KCNB2: variants seen among roughly 807,000 people sequenced by gnomAD.
KCNB2 encodes the protein delayed rectifier potassium channel protein.
KCNB2 carries 15 observed loss-of-function variants against 61.5 expected under a neutral mutation model. The ratio of observed to expected loss-of-function variants is 0.24; its 90% CI spans 0.16 to 0.38. KCNB2 has a LOEUF of 0.38. Among genes scored for constraint, KCNB2 ranks in the 10% least tolerant of loss-of-function variants. KCNB2 has a pLI of 1.00. For missense variants in KCNB2, 828 were observed against 1,125.2 expected, an observed-to-expected ratio of 0.74 and a Z score of 3.78; for synonymous variants, 457 against 446.0, an observed-to-expected ratio of 1.02 and a Z score of -0.31.
chr8:72,851,836 A>AAAAAAAAAAAC (rs1259877882), intron 2 of KCNB2, among the ~76,000 whole-genome samples: 1 of 141,156 alleles, frequency 7.1e-6, no homozygotes, highest in Non-Finnish European at 1.5e-5. Flanking sequence ...GAAAAAAAAA[A>AAAAAAAAAAAC]AAAAAAAAAA....
At chr8:72,861,666 C>T (rs2129004059) in intron 2 of KCNB2, among the ~76,000 whole-genome samples, 1 of 152,250 alleles carries the variant, frequency 6.6e-6, no homozygotes, top group African/African-American at 2.4e-5. Flanking sequence ...AATAAACGTT[C>T]CCTGCCAAAA....
At chr8:72,628,396 A>AGG (rs3031982) in intron 2 of KCNB2, among the ~76,000 whole-genome samples, 7 of 145,094 alleles carry the variant, frequency 4.8e-5, no homozygotes, top group African/African-American at 1.0e-4. Context: ...TTCTCCTGTT[A>AGG]GGGGGTGTGT....
At chr8:72,818,933 T>C (rs1809447692) in intron 2 of KCNB2, among the ~76,000 whole-genome samples, 2 of 152,164 alleles carry the variant, frequency 1.3e-5, no homozygotes, top group Non-Finnish European at 2.9e-5. Context: ...TGCATCTTGG[T>C]TCTACTGCTT....
intron 2 of KCNB2, among the ~76,000 whole-genome samples, chr8:72,722,311 T>A (rs1807564041): frequency 6.6e-6 from 1 of 152,174 alleles, no homozygotes; most frequent in African/African-American, 2.4e-5. Flanking sequence ...CCAAGATCCT[T>A]TCAAATGGTT....
intron 2 of KCNB2, among the ~76,000 whole-genome samples, chr8:72,627,792 C>T (rs1805813044): frequency 6.6e-6 from 1 of 152,196 alleles, no homozygotes; most frequent in African/African-American, 2.4e-5. Context: ...TAACTGCAGC[C>T]TTTTGACACT....
intron 2 of KCNB2, among the ~76,000 whole-genome samples, chr8:72,579,497 T>C (rs1806857451): frequency 1.3e-5 from 2 of 152,208 alleles, no homozygotes; most frequent in African/African-American, 2.4e-5. Context: ...TTGTCAACTC[T>C]TTAAAATCAG....
chr8:72,832,638 C>G (rs1420886119), intron 2 of KCNB2, among the ~76,000 whole-genome samples: 1 of 152,188 alleles, frequency 6.6e-6, no homozygotes, highest in Non-Finnish European at 1.5e-5. Flanking sequence ...TCCAAGCTAT[C>G]AAGTTAGCAT....
At chr8:72,843,340 C>T (rs10957624) in intron 2 of KCNB2, among the ~76,000 whole-genome samples, 1 of 152,024 alleles carries the variant, frequency 6.6e-6, no homozygotes, top group Non-Finnish European at 1.5e-5. Context: ...TTTGCTGAGG[C>T]GTGTTTTACT....
chr8:72,751,748 T>G (rs1362503393), intron 2 of KCNB2: 1 of 152,196 alleles, frequency 6.6e-6, no homozygotes, highest in African/African-American at 2.4e-5. Flanking sequence ...GTGAGGCTTA[T>G]TATGTGCCTG....
intron 1 of KCNB2, among the ~76,000 whole-genome samples, chr8:72,546,535 C>G (rs1004343062): frequency 2.0e-5 from 3 of 150,230 alleles, no homozygotes; most frequent in Admixed American, 2.0e-4. Context: ...AAAAAAAGTG[C>G]AAGGTGAAGA....
intron 2 of KCNB2, among the ~76,000 whole-genome samples, chr8:72,608,822 A>G (rs570156036): frequency 5.5e-4 from 84 of 152,286 alleles, no homozygotes; most frequent in Non-Finnish European, 9.0e-4. Context: ...TTAAGAGTAC[A>G]TAGCTTCACA....
chr8:72,884,406 C>T (rs1282475993), intron 2 of KCNB2, among the ~76,000 whole-genome samples: 2 of 151,854 alleles, frequency 1.3e-5, no homozygotes, highest in African/African-American at 2.4e-5. Flanking sequence ...TGCGTGTGCA[C>T]GTGTGTGTAT....
intron 2 of KCNB2, among the ~76,000 whole-genome samples, chr8:72,675,336 TA>T (rs2128988511): frequency 6.6e-6 from 1 of 152,194 alleles, no homozygotes; most frequent in Non-Finnish European, 1.5e-5. Flanking sequence ...AAATATGCAA[TA>T]AGAAAAATTC....
At chr8:72,856,885 T>C (rs144718256) in intron 2 of KCNB2, among the ~76,000 whole-genome samples, 6 of 152,290 alleles carry the variant, frequency 3.9e-5, no homozygotes, top group Middle Eastern at 6.8e-3. Context: ...TTTGTTAATA[T>C]CACAGAGTGA....
intron 2 of KCNB2, among the ~76,000 whole-genome samples, chr8:72,908,096 AT>A (rs923002463): frequency 6.6e-6 from 1 of 151,584 alleles, no homozygotes; most frequent in African/African-American, 2.4e-5. Flanking sequence ...TTTCTTGGGT[AT>A]TTTTTTTCAC....
chr8:72,737,751 C>G (rs753971071), intron 2 of KCNB2, among the ~76,000 whole-genome samples: 1 of 152,136 alleles, frequency 6.6e-6, no homozygotes, highest in African/African-American at 2.4e-5. Flanking sequence ...GGTTGAAGAA[C>G]AGACAATAGT....
At chr8:72,726,315 C>T (rs1807649013) in intron 2 of KCNB2, among the ~76,000 whole-genome samples, 1 of 152,194 alleles carries the variant, frequency 6.6e-6, no homozygotes. Context: ...TCTCAGATTT[C>T]CAGTCTCCAG....
At chr8:72,781,593 A>G (rs1808755995) in intron 2 of KCNB2, among the ~76,000 whole-genome samples, 1 of 152,180 alleles carries the variant, frequency 6.6e-6, no homozygotes, top group Non-Finnish European at 1.5e-5. Flanking sequence ...TACCAGTACC[A>G]TGCTGTTTTG....
At chr8:72,774,419 C>T (rs1252008902) in intron 2 of KCNB2, among the ~76,000 whole-genome samples, 4 of 152,186 alleles carry the variant, frequency 2.6e-5, no homozygotes, top group African/African-American at 4.8e-5. Flanking sequence ...GGCGCAATCT[C>T]GGCTCACTGC....
Sources: allele counts gnomAD v4.1 joint callset (sites outside exome capture counted in the v4.1 genomes callset), GRCh38; gene constraint gnomAD v4.1.1; transcripts MANE v1.5; gene names NCBI Gene and HGNC (gene_info 2026-07-23, HGNC 2026-07-21).